IPO11: variants seen among roughly 807,000 people sequenced by gnomAD.
IPO11 encodes the protein importin 11.
Under a neutral mutation model 143.2 loss-of-function variants are expected in IPO11, and 66 were observed. The observed-to-expected ratio is 0.46, with a 90% CI of 0.38 to 0.57. The LOEUF (loss-of-function observed/expected upper bound fraction) is 0.57. Ranked by LOEUF, IPO11 falls within the 20% of genes least tolerant of loss-of-function variation. The pLI, the probability that IPO11 is intolerant of heterozygous loss-of-function variation, is 0.00. For missense variants in IPO11, 1,026 were observed against 1,141.0 expected, an observed-to-expected ratio of 0.90 and a Z score of 1.45; for synonymous variants, 385 against 377.8, an observed-to-expected ratio of 1.02 and a Z score of -0.22.
chr5:62,506,646 G>A (rs1309513597), intron 19 of IPO11, among the ~76,000 whole-genome samples: 1 of 152,156 alleles, frequency 6.6e-6, no homozygotes, highest in South Asian at 2.1e-4. Context: ...GAGTGTGTTT[G>A]AGGGCATAGC....
chr5:62,509,183 T>C (rs909358018), intron 19 of IPO11, among the ~76,000 whole-genome samples: 35 of 152,200 alleles, frequency 2.3e-4, no homozygotes, highest in Non-Finnish European at 4.7e-4. Flanking sequence ...AAAATAAATA[T>C]GTAATCATCA....
intron 24 of IPO11, among the ~76,000 whole-genome samples, chr5:62,539,434 T>C (rs1742850629): frequency 1.3e-5 from 2 of 152,212 alleles, no homozygotes; most frequent in Non-Finnish European, 1.5e-5. Flanking sequence ...TTCCCTAATA[T>C]CTTCATCTTA....
chr5:62,471,161 A>G (rs1041232986), intron 7 of IPO11, among the ~76,000 whole-genome samples: 12 of 150,958 alleles, frequency 7.9e-5, no homozygotes, highest in Non-Finnish European at 7.4e-5. Context: ...AAATAAATGA[A>G]ATGGCATTTT....
intron 23 of IPO11, among the ~76,000 whole-genome samples, chr5:62,537,001 C>T (rs1742757385): frequency 6.6e-6 from 1 of 151,916 alleles, no homozygotes. Flanking sequence ...TTTTTATATT[C>T]CTATGAAAAT....
chr5:62,580,641 T>A, intron 27 of IPO11: 1 of 1,551,486 alleles, frequency 6.4e-7, no homozygotes, highest in East Asian at 2.4e-5. Context: ...ATATTAACAT[T>A]ACAAATTGTG....
chr5:62,616,687 T>G (rs1746148572), intron 29 of IPO11, among the ~76,000 whole-genome samples: 1 of 123,044 alleles, frequency 8.1e-6, no homozygotes, highest in Admixed American at 1.0e-4. Flanking sequence ...GCCCCTGCAC[T>G]CCAGCCTGGG....
At chr5:62,596,130 A>G (rs1413554401) in intron 28 of IPO11, among the ~76,000 whole-genome samples, 1 of 151,188 alleles carries the variant, frequency 6.6e-6, no homozygotes, top group Non-Finnish European at 1.5e-5. Flanking sequence ...TCAGCCAGGC[A>G]CATGCCTTTA....
At chr5:62,458,003 T>C (rs902589262) in intron 5 of IPO11, among the ~76,000 whole-genome samples, 2 of 151,758 alleles carry the variant, frequency 1.3e-5, no homozygotes, top group African/African-American at 2.4e-5. Context: ...AAAAATTAGC[T>C]GGGCGTGGTG....
At position 62,452,662 on chromosome 5, in the gene IPO11, C is replaced by CGTGTGTGTGTGT. The variant is rs138539006; in HGVS notation, c.516+742_516+753dup. On this transcript the variant is annotated intron_variant, in intron 5 of 29. Transcript: ENST00000325324. The stretch of plus-strand genomic sequence containing the variant: ...TGCACCTTTTTTTTGGTTTTGGGTT[C>CGTGTGTGTGTGT]GTGTGTGTGTGTGTGTGTGTGTGTA... Among the ~76,000 whole-genome samples, 773 of 140,204 alleles carry CGTGTGTGTGTGT rather than the reference C, an allele frequency of 5.5e-3. 39 individuals carry two copies. The highest frequency in any genetic ancestry group is 0.021 in the African/African-American group (736 of 35,444). 92.0% of individuals were successfully genotyped at this position (140,204 alleles called of 152,430 possible).
chr5:62,573,150 T>C (rs1162584528), intron 27 of IPO11, among the ~76,000 whole-genome samples: 2 of 152,114 alleles, frequency 1.3e-5, no homozygotes, highest in Admixed American at 1.3e-4. Flanking sequence ...GGCTTGTAGC[T>C]GGGACTACAG....
intron 8 of IPO11, among the ~76,000 whole-genome samples, chr5:62,475,030 A>G (rs1745904916): frequency 6.6e-6 from 1 of 152,094 alleles, no homozygotes. Flanking sequence ...ATTGTGATTG[A>G]CTGCAGGCAC....
intron 22 of IPO11, among the ~76,000 whole-genome samples, chr5:62,533,352 T>C (rs1326897035): frequency 6.6e-6 from 1 of 151,758 alleles, no homozygotes. Context: ...GCTGGGATTA[T>C]AGGTATGCAC....
intron 24 of IPO11, among the ~76,000 whole-genome samples, chr5:62,542,872 C>A (rs532311719): frequency 6.6e-6 from 1 of 152,004 alleles, no homozygotes; most frequent in African/African-American, 2.4e-5. Context: ...AGCCAAGTTT[C>A]TTTTTTTCAC....
intron 27 of IPO11, among the ~76,000 whole-genome samples, chr5:62,586,557 G>T (rs2112417533): frequency 6.6e-6 from 1 of 151,674 alleles, no homozygotes; most frequent in Non-Finnish European, 1.5e-5. Flanking sequence ...TTCGAGACCA[G>T]CCTGACGGAC....
chr5:62,423,293 A>G (rs545651693), intron 1 of IPO11, among the ~76,000 whole-genome samples: 68 of 152,194 alleles, frequency 4.5e-4, no homozygotes, highest in Admixed American at 5.2e-4. Flanking sequence ...AATTTCTGTT[A>G]CTGTTTAGTT....
chr5:62,431,934 CACATACAT>C (rs57913836), intron 1 of IPO11, among the ~76,000 whole-genome samples: 42,607 of 148,496 alleles, frequency 0.29, 6,756 homozygotes, highest in East Asian at 0.46. Context: ...GAGCAAGACT[CACATACAT>C]ACATACATAC....
At position 62,504,866 on chromosome 5, in the gene IPO11, G is replaced by A; in HGVS notation, c.1633G>A (p.Asp545Asn). 2 of 1,562,474 alleles carry A rather than the reference G, an allele frequency of 1.3e-6. No individual in the cohort carries two copies. Among genetic ancestry groups the A allele is most frequent in the Non-Finnish European group, 1.7e-6 (2 of 1,147,704 alleles). The change falls in exon 18 of 30, where the codon GAT (aspartate) becomes AAT (asparagine). Residue 545 changes from aspartate to asparagine, a missense_variant. This residue lies in a region of IPO11 where 237 missense variants were observed against 288.0 expected (regional missense o/e 0.82). Coordinates refer to ENST00000325324, the MANE Select transcript of IPO11 (RefSeq NM_016338.5). ...TATTLKLTVDDFEFRTDQFLP... is the reference protein window; with the variant it reads ...TATTLKLTVDNFEFRTDQFLP... ...CCTTAACTGTTCTTCACCTGTTGATGATTTTGAATTTAGAACAGATCAGTT... is the reference window on the plus strand; with the variant it reads ...CCTTAACTGTTCTTCACCTGTTGATAATTTTGAATTTAGAACAGATCAGTT...
intron 1 of IPO11, chr5:62,419,217 G>T (rs533923537): frequency 2.2e-6 from 3 of 1,350,568 alleles, no homozygotes; most frequent in South Asian, 1.6e-5. Context: ...TCTGTACAGG[G>T]CACTTACCTC....
intron 5 of IPO11, among the ~76,000 whole-genome samples, chr5:62,461,026 C>G (rs1350785109): frequency 6.6e-6 from 1 of 152,100 alleles, no homozygotes; most frequent in Non-Finnish European, 1.5e-5. Context: ...CTTTATCTCT[C>G]TCCCTGCTTT....
Sources: allele counts gnomAD v4.1 joint callset (sites outside exome capture counted in the v4.1 genomes callset), GRCh38; gene constraint gnomAD v4.1.1; regional missense constraint gnomAD v4.1.1; transcripts MANE v1.5; gene names NCBI Gene and HGNC (gene_info 2026-07-23, HGNC 2026-07-21).